The following IL16 variants were observed in gnomAD, a reference collection of about 807,000 sequenced individuals.
IL16 encodes the protein pro-interleukin-16.
Under a neutral mutation model 110.1 loss-of-function variants are expected in IL16, and 67 were observed. The observed-to-expected ratio is 0.61, with a 90% CI of 0.50 to 0.75. The LOEUF (loss-of-function observed/expected upper bound fraction) is 0.75. Among genes scored for constraint, IL16 ranks in the 30% least tolerant of loss-of-function variants. The probability of loss-of-function intolerance (pLI) is 0.00; values close to 1 mark genes in which losing one functional copy is unlikely to be tolerated. For missense variants in IL16, 1,545 were observed against 1,655.0 expected (o/e 0.93, Z 1.15); for synonymous variants, 689 against 662.9 (o/e 1.04, Z -0.61).
At chr15:81,288,823 A>ATGTGTGTGTG (rs1247718442) in intron 10 of IL16, among the ~76,000 whole-genome samples, 11 of 108,064 alleles carry the variant, frequency 1.0e-4, no homozygotes, top group African/African-American at 4.3e-4. Context: ...ATCTTCTAGT[A>ATGTGTGTGTG]TGTGTATGTG....
chr15:81,231,142 G>A (rs1424195653), intron 2 of IL16, among the ~76,000 whole-genome samples: 1 of 152,002 alleles, frequency 6.6e-6, no homozygotes, highest in Admixed American at 6.6e-5. Context: ...GAGGTTTTGA[G>A]ACCAGCCTGG....
At position 81,304,634 on chromosome 15, in the gene IL16, A is replaced by G. The variant is rs146954350; in HGVS notation, c.3420+984A>G. On this transcript the variant is annotated intron_variant, in intron 16 of 18. Coordinates refer to ENST00000683961, the MANE Select transcript of IL16 (RefSeq NM_172217.5). ...TTCATCCTACCCACACTTTGGATTGATAAATTGGTGGCATTTATGCTTCTT... is the reference window on the plus strand; with the variant it reads ...TTCATCCTACCCACACTTTGGATTGGTAAATTGGTGGCATTTATGCTTCTT... Among the ~76,000 whole-genome samples, 3 of 152,290 alleles carry G rather than the reference A, an allele frequency of 2.0e-5. No homozygotes were observed. In the East Asian group the frequency reaches 5.8e-4, roughly 29 times the overall value.
chr15:81,228,296 C>T (rs1477777906), intron 2 of IL16, among the ~76,000 whole-genome samples: 3 of 150,670 alleles, frequency 2.0e-5, no homozygotes, highest in African/African-American at 7.3e-5. Flanking sequence ...ACCTTTTCAT[C>T]TCTTTGTGAT....
chr15:81,183,935 A>C (rs949372432), intron 1 of IL16, among the ~76,000 whole-genome samples: 2 of 152,226 alleles, frequency 1.3e-5, no homozygotes, highest in African/African-American at 4.8e-5. Flanking sequence ...AAATGACCCA[A>C]ATGGCATGTA....
At chr15:81,232,056 T>TTTTTTTTTTTTTTC (rs1567009322) in intron 2 of IL16, among the ~76,000 whole-genome samples, 1 of 141,660 alleles carries the variant, frequency 7.1e-6, no homozygotes, top group Non-Finnish European at 1.5e-5. Context: ...TTTTTTTTTT[T>TTTTTTTTTTTTTTC]TTTTTTTTTT....
chr15:81,217,781 A>C (rs1896482617), intron 1 of IL16, among the ~76,000 whole-genome samples: 1 of 152,220 alleles, frequency 6.6e-6, no homozygotes, highest in African/African-American at 2.4e-5. Context: ...GAGGAAAGAC[A>C]CCTGATAGTG....
chr15:81,183,811 G>C lies in IL16; in HGVS notation c.40+915G>C, dbSNP rs191403289. On this transcript the variant is annotated intron_variant, in intron 1 of 18. Transcript: ENST00000302987. ...GGAATCTTGGCTCTGAGGGTAACAG[G>C]CTCCTTGATCTTGGAAAAGGCATTC... 7.6e-4 allele frequency among the ~76,000 whole-genome samples: 115 copies of C among 152,312 alleles called. 2 individuals are homozygous for C. Among genetic ancestry groups the C allele is most frequent in the Admixed American group, 2.7e-3 (41 of 15,302 alleles).
Position 81,292,659 on chromosome 15 carries a change from C to T in IL16, c.1524C>T (p.Ile508=). 6.2e-7 allele frequency: 1 copy of T among 1,614,074 alleles called. No homozygotes were observed. Residue 508 remains isoleucine, a synonymous_variant, in exon 12 of 19, where the codon ATC becomes ATT. Transcript: ENST00000683961. The part of the protein sequence containing the change: ...PPHRRAQKVM[I]RSSSDSSYMS... ...ATCGCAGGGCTCAGAAGGTCATGAT[C>T]CGCTCCAGCAGTGACAGCAGCTACA...
At chr15:81,197,829 ATCT>A (rs1895655268) in intron 1 of IL16, among the ~76,000 whole-genome samples, 1 of 152,090 alleles carries the variant, frequency 6.6e-6, no homozygotes, top group Non-Finnish European at 1.5e-5. Flanking sequence ...ACAGGGAAGC[ATCT>A]TCTCCTCCTG....
chr15:81,292,721 G>A lies in IL16; in HGVS notation c.1586G>A (p.Ser529Asn). Residue 529 changes from serine to asparagine, a missense_variant, in exon 12 of 19, where the codon AGT (serine) becomes AAT (asparagine). Ser to Asn is a conservative substitution (Grantham distance 46, BLOSUM62 1). Transcript: ENST00000683961. ...GSPGGSPGSG[S>N]AEKPSSDVDI... The stretch of plus-strand genomic sequence containing the variant: ...CCAGGGGGAAGTCCTGGGAGTGGCA[G>A]TGCTGAGAAGCCGTCCTCTGACGTG... The A allele has an allele frequency of 6.2e-7, 1 of 1,614,174 alleles. No homozygotes were observed.
rs1899251299 is a variant in IL16, at chr15:81,282,887, C to T, written c.1199+131C>T. The T allele has an allele frequency of 3.8e-6, 3 of 783,380 alleles. No individual in the cohort carries two copies. The South Asian group carries it at 4.5e-5, about 12-fold the overall frequency. 48.5% of individuals were successfully genotyped at this position (783,380 alleles called of 1,614,324 possible). ...CTTGTGGTGGAGATCAGCCGCTCCGCCCGCCAGGACACCCCCTGTTGTGGG... is the reference window on the plus strand; with the variant it reads ...CTTGTGGTGGAGATCAGCCGCTCCGTCCGCCAGGACACCCCCTGTTGTGGG... On this transcript the variant is annotated intron_variant, in intron 9 of 18. Transcript: ENST00000683961.
chr15:81,211,986 T>G (rs1477601505), intron 1 of IL16, among the ~76,000 whole-genome samples: 1 of 152,186 alleles, frequency 6.6e-6, no homozygotes, highest in Admixed American at 6.5e-5. Context: ...TCTGCCACAT[T>G]TTGGTATTAG....
At position 81,279,555 on chromosome 15, in the gene IL16, C is replaced by T. The variant is rs199981575; in HGVS notation, c.865-3C>T. On this transcript the variant is annotated splice_polypyrimidine_tract_variant and splice_region_variant and intron_variant, in intron 7 of 18. Transcript: ENST00000683961. ...GTGTTGTAGCCCTCTCTCTTTCTTT[C>T]AGCAAGCCAAAAAGGGGCTCCTCAC... 3,461 of 1,609,428 alleles carry T rather than the reference C, an allele frequency of 2.2e-3. 5 individuals carry two copies. Among genetic ancestry groups the T allele is most frequent in the Middle Eastern group, 7.8e-3 (47 of 6,056 alleles).
At position 81,279,919 on chromosome 15, in the gene IL16, G is replaced by A. The variant is rs1233806373; in HGVS notation, c.1081+145G>A. 2.2e-5 allele frequency: 15 copies of A among 685,214 alleles called. No individual in the cohort carries two copies. In the East Asian group the frequency reaches 3.3e-4, roughly 15 times the overall value. The allele number at this position is 685,214 out of a possible 1,614,324, so 42.4% of individuals were successfully genotyped here. ...TACAGCTACTGCTTGGAGCCAGGTC[G>A]AGTCTTCTGTTTATAGAAGCTCAAG... On this transcript the variant is annotated intron_variant, in intron 8 of 18. Coordinates refer to ENST00000683961, the MANE Select transcript of IL16 (RefSeq NM_172217.5).
intron 2 of IL16, among the ~76,000 whole-genome samples, chr15:81,248,128 A>G (rs564169921): frequency 1.4e-4 from 21 of 152,350 alleles, no homozygotes; most frequent in African/African-American, 5.0e-4. Context: ...ATTCTTTATG[A>G]TTGAAAGCAG....
intron 1 of IL16, among the ~76,000 whole-genome samples, chr15:81,218,431 T>G (rs1896505650): frequency 6.6e-6 from 1 of 152,218 alleles, no homozygotes; most frequent in African/African-American, 2.4e-5. Context: ...AATTCATCTA[T>G]AAATGCAAAG....
At chr15:81,281,365 T>C (rs566259781) in intron 8 of IL16, among the ~76,000 whole-genome samples, 23 of 152,334 alleles carry the variant, frequency 1.5e-4, no homozygotes, top group African/African-American at 4.8e-4. Context: ...TTCCAGGCGT[T>C]TCCATGTTGG....
intron 15 of IL16, chr15:81,302,022 T>G (rs1341255254): frequency 6.5e-6 from 1 of 153,548 alleles, no homozygotes; most frequent in South Asian, 2.0e-4. Context: ...TTCCCATATG[T>G]TTTCTGAGCA....
rs1403988104 is a variant in IL16 at position 81,301,388 on chromosome 15, A to G, written c.3194A>G (p.Lys1065Arg). The change falls in exon 15 of 19, where the codon AAG (lysine) becomes AGG (arginine). Residue 1065 changes from lysine to arginine, a missense_variant. Lys to Arg is a conservative substitution (Grantham distance 26, BLOSUM62 2). This residue lies in a region of IL16 where 356 missense variants were observed against 399.3 expected (regional missense o/e 0.89). Transcript: ENST00000683961. ...TATACAGAGGGTCTCACGGAAGCCA[A>G]GGAAGACGATGATGGGGACCACAGT... ...REYTEGLTEAKEDDDGDHSSL... is the reference protein window; with the variant it reads ...REYTEGLTEAREDDDGDHSSL... 2 of 1,613,938 alleles carry G rather than the reference A, an allele frequency of 1.2e-6. No homozygotes were observed. Among genetic ancestry groups the G allele is most frequent in the Non-Finnish European group, 1.7e-6 (2 of 1,179,938 alleles).
Sources: gnomAD v4.1 joint callset for allele counts (sites outside exome capture counted in the v4.1 genomes callset) on GRCh38, gnomAD v4.1.1 for gene constraint, gnomAD v4.1.1 regional missense constraint, MANE v1.5 for transcripts, NCBI Gene and HGNC (gene_info 2026-07-23, HGNC 2026-07-21) for gene names.